ABCC9: variants seen among roughly 807,000 people sequenced by gnomAD.
ABCC9 encodes the protein ATP-binding cassette sub-family C member 9.
ABCC9 carries 95 observed loss-of-function variants against 188.3 expected under a neutral mutation model. The observed-to-expected ratio is 0.50, with a 90% CI of 0.43 to 0.60. The LOEUF is 0.60. Among genes scored for constraint, ABCC9 ranks in the 20% least tolerant of loss-of-function variants. The probability of loss-of-function intolerance (pLI) is 0.00; values close to 1 mark genes in which losing one functional copy is unlikely to be tolerated. For missense variants in ABCC9, 1,102 were observed against 1,876.3 expected (o/e 0.59, Z 7.62); for synonymous variants, 659 against 652.7 (o/e 1.01, Z -0.15).
chr12:21,838,065 T>G lies in ABCC9; in HGVS notation c.3566+13A>C. ...ATTGCCTAGTCAGCTAATATAAAAA[T>G]GTGTTTACTCACCTAAAGGCCCGAA... On this transcript the variant is annotated intron_variant, in intron 30 of 39. Transcript: ENST00000261200. 3 of 1,590,070 alleles carry G rather than the reference T, an allele frequency of 1.9e-6. 1 individual carries two copies. In the South Asian group the frequency reaches 3.3e-5, roughly 18 times the overall value.
chr12:21,879,367 A>G (rs1308208470), intron 16 of ABCC9, among the ~76,000 whole-genome samples: 2 of 152,152 alleles, frequency 1.3e-5, no homozygotes, highest in Admixed American at 1.3e-4. Context: ...GATAGACACA[A>G]AATGTCACCT....
At chr12:21,900,773 A>C (rs527874209) in intron 12 of ABCC9, among the ~76,000 whole-genome samples, 1 of 152,290 alleles carries the variant, frequency 6.6e-6, no homozygotes, top group South Asian at 2.1e-4. Flanking sequence ...TAAAAAGAAA[A>C]GAACAAGCCT....
intron 24 of ABCC9, among the ~76,000 whole-genome samples, chr12:21,851,770 T>C (rs1019786647): frequency 3.3e-5 from 5 of 151,938 alleles, no homozygotes; most frequent in African/African-American, 9.7e-5. Context: ...GAGGTATAAA[T>C]AAGAAAAAAT....
intron 12 of ABCC9, among the ~76,000 whole-genome samples, chr12:21,898,966 G>A (rs903668551): frequency 1.3e-5 from 2 of 152,090 alleles, no homozygotes; most frequent in African/African-American, 4.8e-5. Flanking sequence ...AAATGGCTAA[G>A]TTTTCTTGAC....
At chr12:21,928,839 G>A (rs1010656155) in intron 4 of ABCC9, among the ~76,000 whole-genome samples, 3 of 152,118 alleles carry the variant, frequency 2.0e-5, no homozygotes, top group African/African-American at 4.8e-5. Flanking sequence ...ACAAAGCTGC[G>A]TAGGTTTTGA....
At chr12:21,831,948 T>C (rs1321140362) in intron 30 of ABCC9, among the ~76,000 whole-genome samples, 3 of 152,172 alleles carry the variant, frequency 2.0e-5, no homozygotes, top group Admixed American at 2.0e-4. Flanking sequence ...TTTTGGGATA[T>C]TGTTTCAGAT....
intron 12 of ABCC9, among the ~76,000 whole-genome samples, chr12:21,897,475 G>T (rs1461663382): frequency 6.6e-6 from 1 of 152,138 alleles, no homozygotes; most frequent in Non-Finnish European, 1.5e-5. Flanking sequence ...TTGACATAGT[G>T]CCAGAGATGG....
At chr12:21,881,308 G>C (rs750283919) in intron 16 of ABCC9, among the ~76,000 whole-genome samples, 2 of 152,128 alleles carry the variant, frequency 1.3e-5, no homozygotes, top group African/African-American at 4.8e-5. Flanking sequence ...CAATTTGTGA[G>C]CTTTCACCGT....
chr12:21,905,211 A>T (rs1212405072), intron 12 of ABCC9, among the ~76,000 whole-genome samples: 2 of 152,126 alleles, frequency 1.3e-5, no homozygotes, highest in Non-Finnish European at 2.9e-5. Flanking sequence ...CATAGGTGGG[A>T]ACTGAACAAT....
intron 31 of ABCC9, among the ~76,000 whole-genome samples, chr12:21,818,928 T>C (rs535657946): frequency 6.6e-6 from 1 of 152,306 alleles, no homozygotes; most frequent in African/African-American, 2.4e-5. Flanking sequence ...TCTGGGACAC[T>C]AAACCTACAG....
At chr12:21,826,453 A>C (rs1002029726) in intron 31 of ABCC9, among the ~76,000 whole-genome samples, 18 of 152,322 alleles carry the variant, frequency 1.2e-4, no homozygotes, top group Admixed American at 9.8e-4. Context: ...AGTAGTAATG[A>C]GGTCATTTAT....
At chr12:21,849,246 G>A (rs1034215413) in intron 24 of ABCC9, among the ~76,000 whole-genome samples, 6 of 151,918 alleles carry the variant, frequency 3.9e-5, no homozygotes, top group African/African-American at 9.7e-5. Context: ...GTGATTAGTC[G>A]CTAGGTAGTG....
At chr12:21,827,438 T>TA in intron 31 of ABCC9, 1 of 328,690 alleles carries the variant, frequency 3.0e-6, no homozygotes, top group Non-Finnish European at 4.4e-6. Flanking sequence ...ACTGCTAACA[T>TA]TTCTCCCTTA....
chr12:21,811,823 C>T (rs940592441), intron 36 of ABCC9, among the ~76,000 whole-genome samples: 2 of 152,048 alleles, frequency 1.3e-5, no homozygotes, highest in Admixed American at 1.3e-4. Context: ...GAAAAAGTGG[C>T]TTTTATAGAA....
intron 15 of ABCC9, among the ~76,000 whole-genome samples, chr12:21,885,857 C>CT (rs1416250177): frequency 6.6e-6 from 1 of 152,164 alleles, no homozygotes; most frequent in African/African-American, 2.4e-5. Context: ...ACAAGATTGC[C>CT]TTTTTTAGCA....
intron 4 of ABCC9, among the ~76,000 whole-genome samples, chr12:21,928,536 C>T (rs984330817): frequency 7.2e-5 from 11 of 151,960 alleles, no homozygotes; most frequent in Admixed American, 3.9e-4. Context: ...GAGCACACTC[C>T]CTATCCAATC....
rs150940584 is a variant in ABCC9, at chr12:21,926,448, C to T, written c.285-385G>A. Among the ~76,000 whole-genome samples the T allele has an allele frequency of 4.1e-3, 618 of 152,332 alleles. 5 individuals carry two copies. The highest frequency in any genetic ancestry group is 0.013 in the African/African-American group (557 of 41,570). On this transcript the variant is annotated intron_variant, in intron 4 of 39. Transcript: ENST00000261200. Reference sequence around the variant, plus strand: ...TTTGTTCCTTTGACAGCACTCCCAACTTGATAGTCTTCAGTGATTTCTCCA... The same window carrying T: ...TTTGTTCCTTTGACAGCACTCCCAATTTGATAGTCTTCAGTGATTTCTCCA...
intron 31 of ABCC9, chr12:21,827,432 C>T (rs1315562800): frequency 2.8e-6 from 1 of 362,154 alleles, no homozygotes; most frequent in East Asian, 1.7e-4. Context: ...AAGGTAACTG[C>T]TAACATTTCT....
chr12:21,918,414 G>A (rs982603768), intron 5 of ABCC9, among the ~76,000 whole-genome samples: 2 of 151,972 alleles, frequency 1.3e-5, no homozygotes, highest in African/African-American at 4.8e-5. Flanking sequence ...AACTGAATAT[G>A]GTACTGGTAT....
Sources: allele counts gnomAD v4.1 joint callset (sites outside exome capture counted in the v4.1 genomes callset), GRCh38; gene constraint gnomAD v4.1.1; transcripts MANE v1.5; gene names NCBI Gene and HGNC (gene_info 2026-07-23, HGNC 2026-07-21).